BAZ2B: variants seen among roughly 807,000 people sequenced by gnomAD.
BAZ2B encodes bromodomain adjacent to zinc finger domain 2B.
In BAZ2B, 91 loss-of-function variants were observed where a neutral mutation model predicts 246.0. The observed-to-expected ratio is 0.37, with a 90% CI of 0.31 to 0.44. The LOEUF (loss-of-function observed/expected upper bound fraction) is 0.44, where lower values mean the gene tolerates loss of function less well. Among genes scored for constraint, BAZ2B ranks in the 20% least tolerant of loss-of-function variants. BAZ2B has a pLI of 1.00. For synonymous variants in BAZ2B, 855 were observed against 860.0 expected, an observed-to-expected ratio of 0.99 and a Z score of 0.10; for missense variants, 2,332 against 2,533.7, an observed-to-expected ratio of 0.92 and a Z score of 1.71.
the BAZ2B span, among the ~76,000 whole-genome samples, chr2:159,637,474 G>C: frequency 6.6e-6 from 1 of 152,254 alleles, no homozygotes; most frequent in Non-Finnish European, 1.5e-5. Flanking sequence ...CCTGTGGAAA[G>C]GAGAGGAAAC....
intron 1 of BAZ2B, among the ~76,000 whole-genome samples, chr2:159,556,267 T>C (rs978168141): frequency 3.3e-5 from 5 of 152,210 alleles, no homozygotes; most frequent in East Asian, 1.9e-4. Context: ...TTTCTGTCTA[T>C]GATTATCAGT....
the BAZ2B span, among the ~76,000 whole-genome samples, chr2:159,631,818 C>A: frequency 6.6e-6 from 1 of 152,102 alleles, no homozygotes; most frequent in Non-Finnish European, 1.5e-5. Flanking sequence ...TCAACATTTC[C>A]TTTCAAATGT....
the BAZ2B span, among the ~76,000 whole-genome samples, chr2:159,673,752 C>T: frequency 6.6e-6 from 1 of 150,820 alleles, no homozygotes; most frequent in East Asian, 1.9e-4. Flanking sequence ...CAAATCAAAA[C>T]TATAAAAAAG....
intron 36 of BAZ2B, among the ~76,000 whole-genome samples, chr2:159,323,717 T>C (rs147866333): frequency 0.025 from 3,711 of 150,692 alleles, 162 homozygotes; most frequent in African/African-American, 0.086. Flanking sequence ...GGCAGGAGAA[T>C]CACTTGAACC....
chr2:159,690,265 C>T, the BAZ2B span: 3 of 348,272 alleles, frequency 8.6e-6, no homozygotes, highest in East Asian at 1.6e-4. Flanking sequence ...CAGCCACTTT[C>T]GTCTTGGCTC....
chr2:159,405,468 C>T (rs1353804076), intron 14 of BAZ2B, among the ~76,000 whole-genome samples: 1 of 152,098 alleles, frequency 6.6e-6, no homozygotes, highest in African/African-American at 2.4e-5. Flanking sequence ...GCCTCGGCCT[C>T]CCAAAGTGCT....
chr2:159,588,154 C>T (rs1688471106), intron 1 of BAZ2B, among the ~76,000 whole-genome samples: 1 of 148,636 alleles, frequency 6.7e-6, no homozygotes, highest in Non-Finnish European at 1.5e-5. Flanking sequence ...GATTGTACCA[C>T]TGCACTTCAG....
rs2070288612 is a variant in BAZ2B, at chr2:159,427,921, A to C, written c.2466+20T>G. Reference sequence around the variant, plus strand: ...TACTACTTTTTGGTTCAAAGACTATACTTTTTAAAAAGTGGATACCTGCGG... The same window carrying C: ...TACTACTTTTTGGTTCAAAGACTATCCTTTTTAAAAAGTGGATACCTGCGG... On this transcript the variant is annotated intron_variant, in intron 13 of 36. Transcript: ENST00000392783. 1 of 1,599,674 alleles carries C rather than the reference A, an allele frequency of 6.3e-7. No homozygotes were observed. Among genetic ancestry groups the C allele is most frequent in the African/African-American group, 1.3e-5 (1 of 74,578 alleles).
chr2:159,440,250 T>C (rs1189484515), intron 6 of BAZ2B, among the ~76,000 whole-genome samples: 1 of 152,172 alleles, frequency 6.6e-6, no homozygotes, highest in Non-Finnish European at 1.5e-5. Flanking sequence ...TTTAATGGCA[T>C]TTGCTGATAA....
At chr2:159,691,169 T>A in the BAZ2B span, among the ~76,000 whole-genome samples, 2 of 152,190 alleles carry the variant, frequency 1.3e-5, no homozygotes, top group African/African-American at 4.8e-5. Context: ...CGGAGATAAT[T>A]ATATGATTTA....
At chr2:159,324,280 C>T (rs1411188997) in intron 36 of BAZ2B, among the ~76,000 whole-genome samples, 2 of 152,026 alleles carry the variant, frequency 1.3e-5, no homozygotes, top group African/African-American at 2.4e-5. Context: ...GCTTTCTCTC[C>T]CGCATTTAAT....
intron 23 of BAZ2B, 108 bp from the exon 24 acceptor site, chr2:159,383,788 T>TC: frequency 2.2e-6 from 2 of 899,734 alleles, no homozygotes; most frequent in Non-Finnish European, 3.4e-6. Flanking sequence ...TTTGAATAAG[T>TC]AAAAATGATA....
intron 27 of BAZ2B, among the ~76,000 whole-genome samples, chr2:159,351,942 T>C (rs1440308078): frequency 2.0e-5 from 3 of 152,218 alleles, no homozygotes; most frequent in African/African-American, 7.2e-5. Flanking sequence ...CCATGGTTAA[T>C]TACATCAATA....
At chr2:159,423,754 T>C (rs1355968521) in intron 13 of BAZ2B, among the ~76,000 whole-genome samples, 1 of 152,260 alleles carries the variant, frequency 6.6e-6, no homozygotes, top group Non-Finnish European at 1.5e-5. Context: ...CTAAGTGAGA[T>C]AATGCAGGAA....
rs776345300 is a variant in BAZ2B at position 159,337,682 on chromosome 2, C to T, written c.5545G>A (p.Gly1849Arg). 17 of 1,614,108 alleles carry T rather than the reference C, an allele frequency of 1.1e-5. No homozygotes were observed. Among genetic ancestry groups the T allele is most frequent in the Non-Finnish European group, 1.4e-5 (16 of 1,180,050 alleles). Reference sequence around the variant, plus strand: ...CTTTCGTCTTCGCCAGTAAATTCTCCATCATGCTCCTTGCACAATTTAGTA... The same window carrying T: ...CTTTCGTCTTCGCCAGTAAATTCTCTATCATGCTCCTTGCACAATTTAGTA... ...SFTKLCKEHD[G>R]EFTGEDESSA... The change falls in exon 32 of 37, where the codon GGA becomes AGA. Residue 1849 changes from glycine to arginine, a missense_variant. By Grantham distance (125) the Gly-to-Arg change is moderately radical. Around this residue, in one of 9 missense-constraint regions of BAZ2B, gnomAD observed 676 missense variants for 668.6 expected, o/e 1.01. Coordinates refer to ENST00000392783, the MANE Select transcript of BAZ2B (RefSeq NM_013450.4).
At chr2:159,484,341 T>C (rs1446551130) in intron 2 of BAZ2B, among the ~76,000 whole-genome samples, 2 of 152,188 alleles carry the variant, frequency 1.3e-5, no homozygotes, top group Non-Finnish European at 2.9e-5. Flanking sequence ...GTGATAAAAT[T>C]ATACTCAACA....
At chr2:159,704,699 C>T in the BAZ2B span, among the ~76,000 whole-genome samples, 1 of 152,076 alleles carries the variant, frequency 6.6e-6, no homozygotes, top group East Asian at 1.9e-4. Flanking sequence ...CCAGACTGGT[C>T]TCAAACTCCT....
At chr2:159,404,135 T>C (rs2065529497) in intron 16 of BAZ2B, among the ~76,000 whole-genome samples, 1 of 152,154 alleles carries the variant, frequency 6.6e-6, no homozygotes. Flanking sequence ...TTTAAAAGAA[T>C]AGTACTTTCT....
At chr2:159,337,424 A>C (rs1029707129) in intron 32 of BAZ2B, 143 bp downstream of exon 32, 2 of 1,531,688 alleles carry the variant, frequency 1.3e-6, no homozygotes, top group African/African-American at 1.4e-5. Flanking sequence ...ATTAGCAAAG[A>C]AGCACAATAA....
Sources: allele counts gnomAD v4.1 joint callset (sites outside exome capture counted in the v4.1 genomes callset), GRCh38; gene constraint gnomAD v4.1.1; regional missense constraint gnomAD v4.1.1; transcripts MANE v1.5; gene names NCBI Gene and HGNC (gene_info 2026-07-23, HGNC 2026-07-21).